KCNQ5: variants seen among roughly 807,000 people sequenced by gnomAD.
KCNQ5 encodes potassium voltage-gated channel subfamily Q member 5, also known as potassium voltage-gated channel subfamily KQT member 5.
KCNQ5 carries 30 observed loss-of-function variants against 98.2 expected under a neutral mutation model. The observed-to-expected ratio is 0.31, with a 90% confidence interval of 0.23 to 0.41. KCNQ5 has a LOEUF of 0.41. Ranked by LOEUF, KCNQ5 falls within the 10% of genes least tolerant of loss-of-function variation. The pLI is 1.00. For synonymous variants in KCNQ5, 458 were observed against 449.4 expected (o/e 1.02, Z -0.24); for missense variants, 835 against 1,182.5 (o/e 0.71, Z 4.31).
intron 1 of KCNQ5, among the ~76,000 whole-genome samples, chr6:72,720,174 G>A (rs1769874979): frequency 6.6e-6 from 1 of 152,158 alleles, no homozygotes; most frequent in African/African-American, 2.4e-5. Context: ...TCAACTTTTT[G>A]TAGTTTTAGT....
intron 1 of KCNQ5, among the ~76,000 whole-genome samples, chr6:72,630,977 A>G (rs1470359255): frequency 6.6e-6 from 1 of 152,242 alleles, no homozygotes; most frequent in Non-Finnish European, 1.5e-5. Flanking sequence ...TTCCAACTTA[A>G]GCAAGAGATA....
At chr6:73,043,154 G>C in intron 3 of KCNQ5, 1 of 454,822 alleles carries the variant, frequency 2.2e-6, no homozygotes, top group Non-Finnish European at 4.6e-6. Flanking sequence ...AAGGAAGAAA[G>C]TGTATCACCA....
intron 1 of KCNQ5, among the ~76,000 whole-genome samples, chr6:72,773,237 C>A (rs1189795242): frequency 1.3e-5 from 2 of 152,050 alleles, no homozygotes; most frequent in African/African-American, 4.8e-5. Context: ...AACCCAAATG[C>A]CCATCAGTGA....
At chr6:72,902,415 G>C (rs903734662) in intron 1 of KCNQ5, among the ~76,000 whole-genome samples, 1 of 152,162 alleles carries the variant, frequency 6.6e-6, no homozygotes, top group African/African-American at 2.4e-5. Context: ...TCCTTGTCTT[G>C]TTCCAGTTCT....
intron 1 of KCNQ5, among the ~76,000 whole-genome samples, chr6:72,756,636 G>A (rs1771985194): frequency 6.6e-6 from 1 of 152,094 alleles, no homozygotes; most frequent in African/African-American, 2.4e-5. Flanking sequence ...AACAGAAAAA[G>A]CTGCTATAAA....
At chr6:72,787,675 C>T (rs6919026) in intron 1 of KCNQ5, among the ~76,000 whole-genome samples, 82,074 of 152,064 alleles carry the variant, frequency 0.54, 22,583 homozygotes, top group Middle Eastern at 0.62. Flanking sequence ...CAGTCCATGC[C>T]TGTCAGCATA....
intron 2 of KCNQ5, among the ~76,000 whole-genome samples, chr6:73,017,530 C>T (rs1220569999): frequency 6.6e-6 from 1 of 152,106 alleles, no homozygotes; most frequent in Non-Finnish European, 1.5e-5. Context: ...GGGGTTACAA[C>T]TAAAGTGAGA....
chr6:73,012,058 G>A (rs1182351183), intron 2 of KCNQ5, among the ~76,000 whole-genome samples: 3 of 151,978 alleles, frequency 2.0e-5, no homozygotes, highest in Non-Finnish European at 4.4e-5. Flanking sequence ...AAACAATACA[G>A]CTTTTTTTCC....
intron 1 of KCNQ5, among the ~76,000 whole-genome samples, chr6:72,809,313 A>G (rs1021575228): frequency 4.0e-5 from 6 of 150,956 alleles, no homozygotes; most frequent in African/African-American, 1.5e-4. Flanking sequence ...TAGTGGGTGC[A>G]GCACACCAGC....
chr6:73,171,262 A>G (rs1014122175), intron 11 of KCNQ5, among the ~76,000 whole-genome samples: 3 of 152,180 alleles, frequency 2.0e-5, no homozygotes, highest in South Asian at 2.1e-4. Context: ...CACAAACCCT[A>G]TGGGTGGAGA....
intron 11 of KCNQ5, among the ~76,000 whole-genome samples, chr6:73,178,746 G>A (rs757899328): frequency 2.6e-5 from 4 of 152,116 alleles, no homozygotes; most frequent in Non-Finnish European, 4.4e-5. Context: ...GATGAAAGAA[G>A]AGTAGAGGAA....
At chr6:73,158,254 ATTTTT>A (rs796118861) in intron 10 of KCNQ5, 15 of 23,418 alleles carry the variant, frequency 6.4e-4, no homozygotes, top group South Asian at 1.4e-3. Flanking sequence ...ATTTTGGAAG[ATTTTT>A]TTTTTTTTTT....
chr6:73,022,266 GTTAC>G (rs1291586613), intron 2 of KCNQ5, among the ~76,000 whole-genome samples: 3 of 152,004 alleles, frequency 2.0e-5, no homozygotes, highest in African/African-American at 7.2e-5. Context: ...CTAAAACATA[GTTAC>G]CAATCCCTCC....
At chr6:72,739,764 A>C (rs1030823563) in intron 1 of KCNQ5, among the ~76,000 whole-genome samples, 1 of 152,238 alleles carries the variant, frequency 6.6e-6, no homozygotes, top group African/African-American at 2.4e-5. Context: ...TCTACTGACT[A>C]TTCGATAGTC....
chr6:72,780,962 T>A (rs1773433911), intron 1 of KCNQ5, among the ~76,000 whole-genome samples: 1 of 152,186 alleles, frequency 6.6e-6, no homozygotes. Context: ...TTTTCTTATT[T>A]TTCATAGTTT....
At chr6:73,129,041 G>C (rs967534116) in intron 9 of KCNQ5, among the ~76,000 whole-genome samples, 7 of 152,060 alleles carry the variant, frequency 4.6e-5, no homozygotes, top group African/African-American at 1.7e-4. Flanking sequence ...TCTTTCTTCT[G>C]TGTGCAATGA....
At chr6:72,798,008 A>G (rs566711913) in intron 1 of KCNQ5, among the ~76,000 whole-genome samples, 5 of 152,320 alleles carry the variant, frequency 3.3e-5, no homozygotes, top group East Asian at 1.9e-4. Flanking sequence ...TAAGGAATTT[A>G]TGGCCTAGAA....
intron 1 of KCNQ5, among the ~76,000 whole-genome samples, chr6:72,717,911 G>A (rs1048381916): frequency 6.6e-6 from 1 of 152,102 alleles, no homozygotes; most frequent in Non-Finnish European, 1.5e-5. Context: ...CAGCTTTTAC[G>A]GTACAGTACT....
intron 11 of KCNQ5, among the ~76,000 whole-genome samples, chr6:73,171,286 T>C (rs1778007716): frequency 6.6e-6 from 1 of 152,204 alleles, no homozygotes; most frequent in Non-Finnish European, 1.5e-5. Context: ...TATACCTTCC[T>C]ATCTGGCCTG....
Sources: gnomAD v4.1 joint callset for allele counts (sites outside exome capture counted in the v4.1 genomes callset) on GRCh38, gnomAD v4.1.1 for gene constraint, MANE v1.5 for transcripts, NCBI Gene and HGNC (gene_info 2026-07-23, HGNC 2026-07-21) for gene names.